The following CCSER1 variants were observed in gnomAD, a reference collection of about 807,000 sequenced individuals.
CCSER1 encodes serine-rich coiled-coil domain-containing protein 1.
A neutral mutation model predicts 82.0 loss-of-function variants in CCSER1; 41 were observed. That is an observed-to-expected ratio of 0.50 (90% CI 0.39 to 0.65). CCSER1 has a LOEUF of 0.65. CCSER1 is among the 30% of genes least tolerant of loss of function. CCSER1 has a pLI of 0.00. For missense variants in CCSER1, 1,119 were observed against 1,064.2 expected (o/e 1.05, Z -0.72); for synonymous variants, 414 against 383.9 (o/e 1.08, Z -0.92).
chr4:91,123,331 T>A (rs1337556903), intron 10 of CCSER1, among the ~76,000 whole-genome samples: 1 of 151,700 alleles, frequency 6.6e-6, no homozygotes, highest in Non-Finnish European at 1.5e-5. Flanking sequence ...TACAAAAGAA[T>A]CAGTAAAATA....
chr4:90,863,561 GCAAA>G (rs976566126), intron 8 of CCSER1, among the ~76,000 whole-genome samples: 1 of 150,878 alleles, frequency 6.6e-6, no homozygotes. Context: ...TCTTTTTACA[GCAAA>G]CAAAGCTCTT....
At chr4:90,349,592 C>A (rs185419353) in intron 3 of CCSER1, among the ~76,000 whole-genome samples, 14 of 152,028 alleles carry the variant, frequency 9.2e-5, no homozygotes, top group Non-Finnish European at 2.9e-5. Flanking sequence ...ATCTTCCATC[C>A]TTTAAAATTC....
At chr4:90,272,829 C>A (rs1358690533) in intron 1 of CCSER1, among the ~76,000 whole-genome samples, 1 of 152,076 alleles carries the variant, frequency 6.6e-6, no homozygotes, top group South Asian at 2.1e-4. Context: ...ATGGTGAAAC[C>A]TCGTCTCTAC....
At chr4:90,910,431 AT>A (rs747400024) in intron 8 of CCSER1, among the ~76,000 whole-genome samples, 7 of 152,164 alleles carry the variant, frequency 4.6e-5, no homozygotes, top group Non-Finnish European at 1.0e-4. Flanking sequence ...TCCAATTCAT[AT>A]TTTTTATCAG....
At chr4:91,096,329 G>A (rs537551453) in intron 10 of CCSER1, among the ~76,000 whole-genome samples, 3 of 152,300 alleles carry the variant, frequency 2.0e-5, no homozygotes, top group East Asian at 3.9e-4. Flanking sequence ...GTGGGGCACT[G>A]TTGGTGCCAT....
intron 10 of CCSER1, among the ~76,000 whole-genome samples, chr4:91,498,502 T>C (rs886167072): frequency 6.6e-5 from 10 of 151,846 alleles, no homozygotes; most frequent in African/African-American, 2.4e-4. Context: ...TGTACATTTT[T>C]CTGCACTTCT....
At chr4:91,395,628 A>T (rs1045986584) in intron 10 of CCSER1, among the ~76,000 whole-genome samples, 1 of 152,068 alleles carries the variant, frequency 6.6e-6, no homozygotes, top group East Asian at 1.9e-4. Context: ...TAGAAAGTTT[A>T]TCCAGGTTTC....
chr4:91,291,355 G>A (rs1178219963), intron 10 of CCSER1, among the ~76,000 whole-genome samples: 1 of 151,980 alleles, frequency 6.6e-6, no homozygotes, highest in Non-Finnish European at 1.5e-5. Flanking sequence ...TGTGTAAAAT[G>A]TTTCAAAGGC....
chr4:90,823,517 A>G (rs952815893), intron 8 of CCSER1, among the ~76,000 whole-genome samples: 4 of 152,120 alleles, frequency 2.6e-5, no homozygotes, highest in African/African-American at 7.2e-5. Flanking sequence ...AAAATAAGCA[A>G]TGAGAGCATA....
chr4:90,448,390 A>T (rs1309693842), intron 4 of CCSER1, among the ~76,000 whole-genome samples: 1 of 141,562 alleles, frequency 7.1e-6, no homozygotes, highest in Non-Finnish European at 1.5e-5. Flanking sequence ...GAGAAACATA[A>T]CTGGGAGAGT....
Position 90,691,757 on chromosome 4 carries a change from A to G in CCSER1, c.1933-32157A>G, listed in dbSNP as rs148958753. Reference sequence around the variant, plus strand: ...ATATGCAGGTTTGTTATATAGGTAAATTGCATGTCACAGGGGTTTGGCATA... The same window carrying G: ...ATATGCAGGTTTGTTATATAGGTAAGTTGCATGTCACAGGGGTTTGGCATA... On this transcript the variant is annotated intron_variant, in intron 6 of 10. Transcript: ENST00000509176. Among the ~76,000 whole-genome samples the G allele has an allele frequency of 2.8e-3, 432 of 151,750 alleles. 3 individuals are homozygous for G. Among genetic ancestry groups the G allele is most frequent in the Non-Finnish European group, 4.3e-3 (289 of 67,810 alleles).
At chr4:90,979,550 G>A (rs1903496) in intron 9 of CCSER1, among the ~76,000 whole-genome samples, 8,616 of 151,730 alleles carry the variant, frequency 0.057, 326 homozygotes, top group South Asian at 0.17. Flanking sequence ...TCTAATATGA[G>A]CTAAGGACTT....
intron 1 of CCSER1, among the ~76,000 whole-genome samples, chr4:90,172,646 G>A (rs755377741): frequency 2.6e-4 from 39 of 151,816 alleles, no homozygotes; most frequent in Admixed American, 2.1e-3. Context: ...TTTACAACTA[G>A]TAAGTGGAAA....
intron 10 of CCSER1, among the ~76,000 whole-genome samples, chr4:91,174,673 CAACT>C (rs1733119942): frequency 1.3e-5 from 2 of 151,970 alleles, no homozygotes; most frequent in Non-Finnish European, 1.5e-5. Context: ...AAAGATTATC[CAACT>C]ATCTAATGTT....
At chr4:90,994,634 A>G (rs770320219) in intron 9 of CCSER1, among the ~76,000 whole-genome samples, 6 of 152,128 alleles carry the variant, frequency 3.9e-5, no homozygotes, top group Non-Finnish European at 7.3e-5. Context: ...TAGTAAAGCA[A>G]TTTATCTGAG....
At chr4:90,648,866 T>A (rs1314001699) in intron 6 of CCSER1, among the ~76,000 whole-genome samples, 1 of 152,158 alleles carries the variant, frequency 6.6e-6, no homozygotes, top group East Asian at 1.9e-4. Context: ...CAAGATTAGA[T>A]TTTATATGGG....
chr4:90,572,460 A>G (rs746414113), intron 5 of CCSER1, among the ~76,000 whole-genome samples: 11 of 152,082 alleles, frequency 7.2e-5, no homozygotes, highest in African/African-American at 1.2e-4. Flanking sequence ...TTTCTTTAAC[A>G]CCTATGACAT....
chr4:90,328,550 C>T (rs1561037988), intron 3 of CCSER1, among the ~76,000 whole-genome samples: 1 of 152,184 alleles, frequency 6.6e-6, no homozygotes, highest in East Asian at 1.9e-4. Context: ...TCACTGCTAT[C>T]ACTGACCATT....
chr4:90,188,603 A>G (rs1430461891), intron 1 of CCSER1, among the ~76,000 whole-genome samples: 1 of 151,982 alleles, frequency 6.6e-6, no homozygotes, highest in African/African-American at 2.4e-5. Flanking sequence ...TAGTACAACT[A>G]GAAACTATAG....
Sources: gnomAD v4.1 joint callset for allele counts (sites outside exome capture counted in the v4.1 genomes callset) on GRCh38, gnomAD v4.1.1 for gene constraint, MANE v1.5 for transcripts, NCBI Gene and HGNC (gene_info 2026-07-23, HGNC 2026-07-21) for gene names.